Variants in KIRREL3 observed in about 807,000 individuals in gnomAD.
KIRREL3 encodes kirre like nephrin family adhesion molecule 3.
KIRREL3 carries 36 observed loss-of-function variants against 89.7 expected under a neutral mutation model. The ratio of observed to expected loss-of-function variants is 0.40; its 90% CI spans 0.31 to 0.53. KIRREL3 has a LOEUF of 0.53. Ranked by LOEUF, KIRREL3 falls within the 20% of genes least tolerant of loss-of-function variation. KIRREL3 has a pLI of 0.49. For missense variants in KIRREL3, 864 were observed against 1,056.6 expected (o/e 0.82, Z 2.53); for synonymous variants, 445 against 441.4 (o/e 1.01, Z -0.10).
chr11:126,526,733 G>T lies in KIRREL3; in HGVS notation c.134-46C>A. On this transcript the variant is annotated intron_variant, in intron 2 of 16. Coordinates refer to ENST00000525144, the MANE Select transcript of KIRREL3 (RefSeq NM_032531.4). This position sits in a 1 kb window ranked among gnomAD's most constrained non-coding sequence, Gnocchi z 5.7. ...ATGGTCAGTTATCTGCCGGCTACAG[G>T]GGCGAGAAGGCTCCCCTCCAGCTAT... 1 of 1,531,454 alleles carries T rather than the reference G, an allele frequency of 6.5e-7. No individual in the cohort carries two copies. The highest frequency in any genetic ancestry group is 8.8e-7 in the Non-Finnish European group (1 of 1,130,930). The allele number at this position is 1,531,454 out of a possible 1,614,324, so 94.9% of individuals were successfully genotyped here.
intron 1 of KIRREL3, among the ~76,000 whole-genome samples, chr11:126,690,935 G>T (rs1240771934): frequency 6.6e-6 from 1 of 152,212 alleles, no homozygotes; most frequent in African/African-American, 2.4e-5. Context: ...GTGTGGCAAA[G>T]AACTTGCCTT....
Position 126,636,433 on chromosome 11 carries a change from G to A in KIRREL3, c.56-73521C>T, listed in dbSNP as rs1215361860. On this transcript the variant is annotated intron_variant, in intron 1 of 16. Transcript: ENST00000525144. This position sits in a 1 kb window ranked among gnomAD's most constrained non-coding sequence, Gnocchi z 4.4. ...CCTTCTGGCACTTGTTCTGTTGAGA[G>A]TCTGTGATGCCCAAACCTTGGAATT... is the stretch of plus-strand genomic sequence containing the variant. Among the ~76,000 whole-genome samples the A allele has an allele frequency of 6.6e-6, 1 of 152,158 alleles. No homozygotes were observed. Among genetic ancestry groups the A allele is most frequent in the Non-Finnish European group, 1.5e-5 (1 of 68,028 alleles).
chr11:126,505,118 A>C (rs897090588), intron 4 of KIRREL3, among the ~76,000 whole-genome samples: 2 of 152,244 alleles, frequency 1.3e-5, no homozygotes, highest in African/African-American at 4.8e-5. Flanking sequence ...GTCTGCTCTC[A>C]CCATTTCTAT....
intron 4 of KIRREL3, among the ~76,000 whole-genome samples, chr11:126,481,936 C>G (rs1047992767): frequency 1.3e-5 from 2 of 152,258 alleles, no homozygotes; most frequent in African/African-American, 4.8e-5. Flanking sequence ...ACTCTTCGGC[C>G]TTGCTTTTCA....
intron 4 of KIRREL3, among the ~76,000 whole-genome samples, chr11:126,512,095 G>C (rs1241388579): frequency 2.0e-5 from 3 of 152,224 alleles, no homozygotes; most frequent in African/African-American, 7.2e-5. Flanking sequence ...ATGAGATGAG[G>C]GGGAATCAGT....
chr11:126,464,606 G>A (rs1285835158), intron 5 of KIRREL3, among the ~76,000 whole-genome samples: 3 of 151,864 alleles, frequency 2.0e-5, no homozygotes, highest in African/African-American at 4.8e-5. Flanking sequence ...AGGAGGAGGA[G>A]GAGAAGAGGA....
At chr11:126,494,939 G>A (rs1022023416) in intron 4 of KIRREL3, among the ~76,000 whole-genome samples, 2 of 152,244 alleles carry the variant, frequency 1.3e-5, no homozygotes, top group Admixed American at 6.5e-5. Context: ...TGAGGGATGC[G>A]GGTGGCGTGG....
In KIRREL3 at chr11:126,544,970, A is replaced by T. The variant is rs1938685734; in HGVS notation, c.133+17865T>A. On this transcript the variant is annotated intron_variant, in intron 2 of 16. Coordinates refer to ENST00000525144, the MANE Select transcript of KIRREL3 (RefSeq NM_032531.4). The surrounding 1 kb of genome is among the most constrained non-coding windows in gnomAD (Gnocchi z 5.6). The stretch of plus-strand genomic sequence containing the variant: ...AACATTGCCTTACGCAATCTAATAA[A>T]TTACTTGGTACCCGGCTGCCAGCTC... Among the ~76,000 whole-genome samples, 1 of 152,074 alleles carries T rather than the reference A, an allele frequency of 6.6e-6. No individual in the cohort carries two copies. The highest frequency in any genetic ancestry group is 2.1e-4 in the South Asian group (1 of 4,806).
Position 126,768,527 on chromosome 11 carries a change from C to G in KIRREL3, c.56-205615G>C, listed in dbSNP as rs763230974. On this transcript the variant is annotated intron_variant, in intron 1 of 16. Coordinates refer to ENST00000525144, the MANE Select transcript of KIRREL3 (RefSeq NM_032531.4). The surrounding 1 kb of genome is among the most constrained non-coding windows in gnomAD (Gnocchi z 4.5). Reference sequence around the variant, plus strand: ...TAGACATACACAAGACAGATTCCAACAGTCAGAAGTGCAAGGAAGAAAGAA... The same window carrying G: ...TAGACATACACAAGACAGATTCCAAGAGTCAGAAGTGCAAGGAAGAAAGAA... Among the ~76,000 whole-genome samples the G allele has an allele frequency of 6.6e-6, 1 of 152,152 alleles. No individual in the cohort carries two copies. Among genetic ancestry groups the G allele is most frequent in the Non-Finnish European group, 1.5e-5 (1 of 68,040 alleles).
At chr11:126,889,982 T>G (rs990888315) in intron 1 of KIRREL3, among the ~76,000 whole-genome samples, 1 of 152,208 alleles carries the variant, frequency 6.6e-6, no homozygotes, top group Non-Finnish European at 1.5e-5. Context: ...AGCCTCTAAT[T>G]GCATTCACTG....
chr11:126,447,258 C>T (rs1012140819), intron 8 of KIRREL3, among the ~76,000 whole-genome samples: 1 of 151,230 alleles, frequency 6.6e-6, no homozygotes, highest in Non-Finnish European at 1.5e-5. Flanking sequence ...TGCGGAAGCC[C>T]CTCCATCCCA....
chr11:126,740,255 G>A lies in KIRREL3; in HGVS notation c.56-177343C>T, dbSNP rs776723372. Among the ~76,000 whole-genome samples, 6 of 152,184 alleles carry A rather than the reference G, an allele frequency of 3.9e-5. No individual in the cohort carries two copies. The highest frequency in any genetic ancestry group is 9.6e-5 in the African/African-American group (4 of 41,514). On this transcript the variant is annotated intron_variant, in intron 1 of 16. Transcript: ENST00000525144. This position sits in a 1 kb window ranked among gnomAD's most constrained non-coding sequence, Gnocchi z 6.0. The stretch of plus-strand genomic sequence containing the variant: ...AAAGGCTATAGTGGGGGAGTTCTAC[G>A]GTGATTAATGGAAGAAAATGCAGAT...
At chr11:126,800,454 A>C (rs1160086087) in intron 1 of KIRREL3, among the ~76,000 whole-genome samples, 1 of 152,196 alleles carries the variant, frequency 6.6e-6, no homozygotes, top group Non-Finnish European at 1.5e-5. Context: ...GGGCATTAGC[A>C]TAAGTGGTAC....
chr11:126,485,715 C>T lies in KIRREL3; in HGVS notation c.434-12249G>A, dbSNP rs557586006. 1.4e-4 allele frequency among the ~76,000 whole-genome samples: 21 copies of T among 152,322 alleles called. No individual in the cohort carries two copies. The highest frequency in any genetic ancestry group is 4.3e-4 in the African/African-American group (18 of 41,568). On this transcript the variant is annotated intron_variant, in intron 4 of 16. Transcript: ENST00000525144. This position sits in a 1 kb window ranked among gnomAD's most constrained non-coding sequence, Gnocchi z 5.8. The stretch of plus-strand genomic sequence containing the variant: ...TATTGCATGTGAAATGGGCTTGTTT[C>T]CACCTCTTGTTCTGCTATTACCTTG...
intron 1 of KIRREL3, among the ~76,000 whole-genome samples, chr11:126,932,262 A>ATT (rs752165017): frequency 2.6e-5 from 4 of 152,134 alleles, no homozygotes; most frequent in Admixed American, 6.5e-5. Flanking sequence ...GGAGGGCCCT[A>ATT]TTTCAAGGCT....
chr11:126,563,419 T>G lies in KIRREL3; in HGVS notation c.56-507A>C, dbSNP rs891729716. Among the ~76,000 whole-genome samples the G allele has an allele frequency of 2.0e-5, 3 of 152,202 alleles. No homozygotes were observed. Among genetic ancestry groups the G allele is most frequent in the African/African-American group, 4.8e-5 (2 of 41,460 alleles). ...GGGTGACTCAGGAGGATGAAGTGAT[T>G]GCGTGAGTTTAGGGCAGCGGGGCGA... On this transcript the variant is annotated intron_variant, in intron 1 of 16. Coordinates refer to ENST00000525144, the MANE Select transcript of KIRREL3 (RefSeq NM_032531.4). The surrounding 1 kb of genome is among the most constrained non-coding windows in gnomAD (Gnocchi z 6.8).
rs1940393676 is a variant in KIRREL3 at position 126,564,784 on chromosome 11, A to G, written c.56-1872T>C. On this transcript the variant is annotated intron_variant, in intron 1 of 16. Transcript: ENST00000525144. This position sits in a 1 kb window ranked among gnomAD's most constrained non-coding sequence, Gnocchi z 7.4. Reference sequence around the variant, plus strand: ...AGAGGCAGGAATGCAGCCTTCCAGGAGGGGGCCAGTGGAAGTACAAGCTGC... The same window carrying G: ...AGAGGCAGGAATGCAGCCTTCCAGGGGGGGGCCAGTGGAAGTACAAGCTGC... 6.6e-6 allele frequency among the ~76,000 whole-genome samples: 1 copy of G among 152,160 alleles called. No homozygotes were observed. The highest frequency in any genetic ancestry group is 6.5e-5 in the Admixed American group (1 of 15,280).
At chr11:126,988,397 C>G (rs956054221) in intron 1 of KIRREL3, 1 of 152,782 alleles carries the variant, frequency 6.5e-6, no homozygotes, top group Admixed American at 6.5e-5. Flanking sequence ...ATCCTACAAG[C>G]TATGAAGGAG....
intron 1 of KIRREL3, among the ~76,000 whole-genome samples, chr11:126,721,846 C>A (rs555894120): frequency 1.3e-5 from 2 of 152,216 alleles, no homozygotes; most frequent in Non-Finnish European, 2.9e-5. Flanking sequence ...GTCACCAGCA[C>A]GGTCCCTGAC....
Sources: allele counts gnomAD v4.1 joint callset (sites outside exome capture counted in the v4.1 genomes callset), GRCh38; gene constraint gnomAD v4.1.1; non-coding constraint Gnocchi (gnomAD v3.1); transcripts MANE v1.5; gene names NCBI Gene and HGNC (gene_info 2026-07-23, HGNC 2026-07-21).